Variants in TSNARE1 observed in about 807,000 individuals in gnomAD.
TSNARE1 encodes t-SNARE domain-containing protein 1.
In TSNARE1, 49 loss-of-function variants were observed where a neutral mutation model predicts 62.0. The ratio of observed to expected loss-of-function variants is 0.79; its 90% CI spans 0.63 to 1.00. The LOEUF (loss-of-function observed/expected upper bound fraction) is 1.00. TSNARE1 is among the 50% of genes least tolerant of loss of function. The pLI, the probability that TSNARE1 is intolerant of heterozygous loss-of-function variation, is 0.00. For synonymous variants in TSNARE1, 328 were observed against 294.4 expected, an observed-to-expected ratio of 1.11 and a Z score of -1.17; for missense variants, 755 against 700.1, an observed-to-expected ratio of 1.08 and a Z score of -0.88.
In TSNARE1 at chr8:142,221,132, C is replaced by G. The variant is rs74719980; in HGVS notation, c.*11+8341G>C. On this transcript the variant is annotated intron_variant, in intron 13 of 13. Coordinates refer to ENST00000524325, the MANE Select transcript of TSNARE1 (RefSeq NM_145003.5). ...AGCAAATCCTCTCATCTCTGCACCTCGGTTTTCTCATCTGAGAAATGGGGA... is the reference window on the plus strand; with the variant it reads ...AGCAAATCCTCTCATCTCTGCACCTGGGTTTTCTCATCTGAGAAATGGGGA... Among the ~76,000 whole-genome samples, 1,422 of 152,324 alleles carry G rather than the reference C, an allele frequency of 9.3e-3. 22 individuals carry two copies. The highest frequency in any genetic ancestry group is 0.032 in the African/African-American group (1,319 of 41,564).
At chr8:142,243,122 G>A (rs1817740522) in intron 12 of TSNARE1, among the ~76,000 whole-genome samples, 1 of 152,080 alleles carries the variant, frequency 6.6e-6, no homozygotes, top group African/African-American at 2.4e-5. Flanking sequence ...GAGGGCGTGG[G>A]GAAAAGGGAA....
chr8:142,235,015 G>C (rs1339024081), intron 12 of TSNARE1, among the ~76,000 whole-genome samples: 2 of 152,162 alleles, frequency 1.3e-5, no homozygotes, highest in Non-Finnish European at 2.9e-5. Context: ...AATGGAAGCA[G>C]AACAAACGGA....
chr8:142,234,017 T>G (rs1216721743), intron 12 of TSNARE1, among the ~76,000 whole-genome samples: 1 of 152,172 alleles, frequency 6.6e-6, no homozygotes, highest in African/African-American at 2.4e-5. Context: ...ATCCTGAATG[T>G]GGCAGGTGCT....
At chr8:142,329,626 G>A (rs558498592) in intron 6 of TSNARE1, among the ~76,000 whole-genome samples, 4 of 152,196 alleles carry the variant, frequency 2.6e-5, no homozygotes, top group Non-Finnish European at 4.4e-5. Context: ...CACGTTTCCT[G>A]AGCCCGAGCA....
At chr8:142,383,620 C>T (rs1465893122) in intron 1 of TSNARE1, among the ~76,000 whole-genome samples, 1 of 152,080 alleles carries the variant, frequency 6.6e-6, no homozygotes, top group African/African-American at 2.4e-5. Flanking sequence ...GCCCTACTGT[C>T]ACGGCAGGGG....
intron 10 of TSNARE1, among the ~76,000 whole-genome samples, chr8:142,295,546 GC>G (rs1586621805): frequency 2.0e-5 from 3 of 152,232 alleles, no homozygotes; most frequent in Non-Finnish European, 4.4e-5. Context: ...CGGCTGCCCT[GC>G]GGCCAGTGAA....
At chr8:142,254,469 G>A (rs3935370) in intron 12 of TSNARE1, among the ~76,000 whole-genome samples, 75,307 of 152,104 alleles carry the variant, frequency 0.5, 20,145 homozygotes, top group African/African-American at 0.7. Context: ...CCCAGAAAGC[G>A]ATGGGCCTTT....
At chr8:142,227,501 C>A (rs1409013537) in intron 13 of TSNARE1, among the ~76,000 whole-genome samples, 1 of 152,034 alleles carries the variant, frequency 6.6e-6, no homozygotes, top group Non-Finnish European at 1.5e-5. Flanking sequence ...CTGCCCATAA[C>A]CCCAGTGACA....
chr8:142,302,966 T>C (rs1044726318), intron 9 of TSNARE1, among the ~76,000 whole-genome samples: 3 of 151,854 alleles, frequency 2.0e-5, no homozygotes, highest in Non-Finnish European at 4.4e-5. Flanking sequence ...ATGGAGGCAC[T>C]AGGGGTACAG....
intron 1 of TSNARE1, among the ~76,000 whole-genome samples, chr8:142,362,503 A>G (rs1587017205): frequency 6.6e-6 from 1 of 152,306 alleles, no homozygotes; most frequent in South Asian, 2.1e-4. Context: ...GTAAGGAAAG[A>G]GATTTCCTCA....
At chr8:142,366,819 AGAAAT>A (rs986439745) in intron 1 of TSNARE1, among the ~76,000 whole-genome samples, 5 of 152,246 alleles carry the variant, frequency 3.3e-5, no homozygotes, top group Non-Finnish European at 7.3e-5. Context: ...AAACAAAAAA[AGAAAT>A]GAAACAAAAT....
At chr8:142,224,278 G>C (rs1816674833) in intron 13 of TSNARE1, among the ~76,000 whole-genome samples, 1 of 152,208 alleles carries the variant, frequency 6.6e-6, no homozygotes, top group Non-Finnish European at 1.5e-5. Flanking sequence ...GAGTGCGGCA[G>C]GCGGGCTTTG....
intron 4 of TSNARE1, 54 bp downstream of exon 4, chr8:142,343,912 C>A (rs537729943): frequency 2.1e-5 from 30 of 1,440,762 alleles, no homozygotes; most frequent in South Asian, 6.3e-5. Context: ...TGGGCCCCCC[C>A]CTCCTGCTGG....
chr8:142,277,251 C>T, intron 11 of TSNARE1: 1 of 985,394 alleles, frequency 1.0e-6, no homozygotes, highest in Non-Finnish European at 1.2e-6. Flanking sequence ...AAGGGATACC[C>T]AAGCACTAGG....
chr8:142,285,148 G>C (rs187709610), intron 10 of TSNARE1, among the ~76,000 whole-genome samples: 40 of 152,180 alleles, frequency 2.6e-4, no homozygotes, highest in African/African-American at 9.6e-4. Context: ...TGGGTGGGTG[G>C]ATGGATGAAT....
chr8:142,365,609 C>CAA lies in TSNARE1; in HGVS notation c.-39-10847_-39-10846insTT, dbSNP rs1268550309. Among the ~76,000 whole-genome samples, 5 of 148,438 alleles carry CAA rather than the reference C, an allele frequency of 3.4e-5. No homozygotes were observed. In the East Asian group the frequency reaches 6.0e-4, roughly 18 times the overall value. ...CCATAAACACATGCACACGCACACACACACACACACACACACACACACACA... is the reference window on the plus strand; with the variant it reads ...CCATAAACACATGCACACGCACACACAAACACACACACACACACACACACACA... On this transcript the variant is annotated intron_variant, in intron 1 of 13. Transcript: ENST00000524325.
intron 12 of TSNARE1, among the ~76,000 whole-genome samples, chr8:142,254,400 C>T (rs1818324640): frequency 6.6e-6 from 1 of 152,202 alleles, no homozygotes; most frequent in Admixed American, 6.5e-5. Flanking sequence ...CCCAAGCCCA[C>T]CTGGCCAACA....
At chr8:142,288,005 T>C (rs1364871821) in intron 10 of TSNARE1, among the ~76,000 whole-genome samples, 1 of 152,184 alleles carries the variant, frequency 6.6e-6, no homozygotes, top group African/African-American at 2.4e-5. Context: ...GGATGGGCCT[T>C]ACGTGTGTGC....
At chr8:142,221,004 C>T (rs774052048) in intron 13 of TSNARE1, among the ~76,000 whole-genome samples, 27 of 152,220 alleles carry the variant, frequency 1.8e-4, no homozygotes, top group East Asian at 3.8e-4. Context: ...TGTCACGTCC[C>T]GTAAATGCCT....
Sources: allele counts gnomAD v4.1 joint callset (sites outside exome capture counted in the v4.1 genomes callset), GRCh38; gene constraint gnomAD v4.1.1; transcripts MANE v1.5; gene names NCBI Gene and HGNC (gene_info 2026-07-23, HGNC 2026-07-21).